Variants in ZDHHC8 observed in about 807,000 individuals in gnomAD.
The protein encoded by ZDHHC8 is palmitoyltransferase ZDHHC8.
A neutral mutation model predicts 61.2 loss-of-function variants in ZDHHC8; 24 were observed. The observed-to-expected ratio is 0.39, with a 90% CI of 0.28 to 0.55. The LOEUF is 0.55. Ranked by LOEUF, ZDHHC8 falls within the 20% of genes least tolerant of loss-of-function variation. The pLI is 0.60. For missense variants in ZDHHC8, 935 were observed against 1,102.1 expected, an observed-to-expected ratio of 0.85 and a Z score of 2.15; for synonymous variants, 523 against 492.5, an observed-to-expected ratio of 1.06 and a Z score of -0.82.
At position 20,140,826 on chromosome 22, in the gene ZDHHC8, T is replaced by A. The variant is rs552852518; in HGVS notation, c.753-45T>A. 54 of 1,600,740 alleles carry A rather than the reference T, an allele frequency of 3.4e-5. 1 individual carries two copies. In the Admixed American group the frequency reaches 4.0e-4, roughly 12 times the overall value. On this transcript the variant is annotated intron_variant, in intron 6 of 10. Transcript: ENST00000334554. ...GTATGGCCAGCCCTGCCCTTGTGTGTTTGTGGCAGGTGGGCTGGCTACTGA... is the reference window on the plus strand; with the variant it reads ...GTATGGCCAGCCCTGCCCTTGTGTGATTGTGGCAGGTGGGCTGGCTACTGA...
In ZDHHC8 at chr22:20,143,654, C is replaced by T; in HGVS notation, c.2024C>T (p.Ser675Phe). ...TCACCTGCACGCCAGGGCCTGCCCT[C>T]CCCGCCCGGCACTCCCCACTCACCA... ...HRSPARQGLP[S>F]PPGTPHSPSY... is the part of the protein sequence containing the mutation. The change falls in exon 10 of 11, where the codon TCC becomes TTC. Residue 675 changes from serine (S) to phenylalanine (F), a missense_variant. Ser to Phe is a radical substitution (Grantham distance 155, BLOSUM62 -2). Coordinates refer to ENST00000334554, the MANE Select transcript of ZDHHC8 (RefSeq NM_013373.4). 2 of 1,607,854 alleles carry T rather than the reference C, an allele frequency of 1.2e-6. No individual in the cohort carries two copies. Among genetic ancestry groups the T allele is most frequent in the Non-Finnish European group, 1.7e-6 (2 of 1,179,166 alleles).
Position 20,142,765 on chromosome 22 carries a change from C to G in ZDHHC8, c.1135C>G (p.Pro379Ala), listed in dbSNP as rs764291330. The G allele has an allele frequency of 2.7e-5, 43 of 1,612,490 alleles. 1 individual carries two copies. In the South Asian group the frequency reaches 4.7e-4, roughly 18 times the overall value. ...TGCCTTCTCCCTACAGGTTCCAGGC[C>G]CTGATTCCCTGACCCTGGGGGACGA... ...FCGPGEQVPG[P>A]DSLTLGDDSI... Residue 379 changes from proline (P) to alanine (A), a missense_variant, in exon 10 of 11, where the codon CCT becomes GCT. Around this residue, in one of 3 missense-constraint regions of ZDHHC8, gnomAD observed 692 missense variants for 731.4 expected, o/e 0.95. Transcript: ENST00000334554.
chr22:20,140,428 A>T, intron 5 of ZDHHC8, 189 bp from the exon 6 acceptor site: 1 of 798,562 alleles, frequency 1.3e-6, no homozygotes, highest in Non-Finnish European at 1.9e-6. Flanking sequence ...CCAGTGACCC[A>T]GAAATCCCAC....
chr22:20,140,493 T>C, intron 5 of ZDHHC8, 124 bp from the exon 6 acceptor site: 1 of 1,074,544 alleles, frequency 9.3e-7, no homozygotes. Context: ...CCTGGGCTGA[T>C]CCCACCTAAG....
At chr22:20,140,574 G>A in intron 5 of ZDHHC8, 43 bp from the exon 6 acceptor site, 1 of 1,546,364 alleles carries the variant, frequency 6.5e-7, no homozygotes, top group Non-Finnish European at 8.7e-7. Context: ...ACCCTGGCCT[G>A]GACCTTGGGA....
chr22:20,133,540 C>G (rs1742642165), intron 1 of ZDHHC8, among the ~76,000 whole-genome samples: 1 of 152,038 alleles, frequency 6.6e-6, no homozygotes, highest in South Asian at 2.1e-4. Context: ...ACCAGCCTGG[C>G]CAACATGGCG....
At chr22:20,136,005 C>T (rs2050416711) in intron 1 of ZDHHC8, among the ~76,000 whole-genome samples, 1 of 152,278 alleles carries the variant, frequency 6.6e-6, no homozygotes, top group African/African-American at 2.4e-5. Flanking sequence ...TATCTCCCTG[C>T]CAGCCCAGGC....
rs548819896 is a variant in ZDHHC8, at chr22:20,145,652, C to G, written c.*252C>G. On this transcript the variant is annotated 3_prime_UTR_variant, in exon 11 of 11. Transcript: ENST00000334554. ...GGGCTGGTCTGTGTCTGGGCCTGTC[C>G]CATGGCTGGGGCAGTGAGGGGGCCC... The G allele has an allele frequency of 1.8e-4, 209 of 1,136,894 alleles. 2 individuals are homozygous for G. In the East Asian group the frequency reaches 9.3e-3, roughly 51 times the overall value. 70.4% of individuals were successfully genotyped at this position (1,136,894 alleles called of 1,614,324 possible). A position where few individuals can be genotyped will look rare whatever the true frequency, so the allele number is the denominator to read the frequency against.
Position 20,143,307 on chromosome 22 carries a change from G to C in ZDHHC8, c.1677G>C (p.Glu559Asp). Residue 559 changes from glutamate to aspartate, a missense_variant, in exon 10 of 11, where the codon GAG becomes GAC. Glu to Asp is a conservative substitution (Grantham distance 45). Around this residue, in one of 3 missense-constraint regions of ZDHHC8, gnomAD observed 692 missense variants for 731.4 expected, o/e 0.95. Transcript: ENST00000334554. ...CCATCCAGGAGCGCAAGGACAGGGA[G>C]GAGCGTGAGCGCCTGCTGCGCTCCC... is the stretch of plus-strand genomic sequence containing the variant. ...MASIQERKDR[E>D]ERERLLRSQA... 1 of 1,601,118 alleles carries C rather than the reference G, an allele frequency of 6.2e-7. No individual in the cohort carries two copies. Among genetic ancestry groups the C allele is most frequent in the Admixed American group, 1.7e-5 (1 of 58,952 alleles).
Position 20,146,278 on chromosome 22 carries a change from G to A in ZDHHC8, c.*878G>A, listed in dbSNP as rs1236013787. 5.1e-6 allele frequency: 5 copies of A among 985,444 alleles called. No homozygotes were observed. Among genetic ancestry groups the A allele is most frequent in the East Asian group, 1.1e-4 (1 of 8,810 alleles). 61.0% of individuals were successfully genotyped at this position (985,444 alleles called of 1,614,324 possible). A position where few individuals can be genotyped will look rare whatever the true frequency, so the allele number is the denominator to read the frequency against. On this transcript the variant is annotated 3_prime_UTR_variant, in exon 11 of 11. Transcript: ENST00000334554. ...CAAGGCATGCCACGTCCGCAGCCCC[G>A]GCCTGGCTGCGGTGCTCGCGCCGTG...
Position 20,140,852 on chromosome 22 carries a change from C to A in ZDHHC8, c.753-19C>A. ...TTGTGGCAGGTGGGCTGGCTACTGA[C>A]CCCTGTGCCCTGGTGCAGGTACGTG... On this transcript the variant is annotated intron_variant, in intron 6 of 10. Coordinates refer to ENST00000334554, the MANE Select transcript of ZDHHC8 (RefSeq NM_013373.4). 1.3e-6 allele frequency: 2 copies of A among 1,599,394 alleles called. No homozygotes were observed. Among genetic ancestry groups the A allele is most frequent in the Non-Finnish European group, 1.7e-6 (2 of 1,179,292 alleles).
chr22:20,140,187 G>T lies in ZDHHC8; in HGVS notation c.630G>T (p.Leu210=). The T allele has an allele frequency of 6.2e-7, 1 of 1,613,238 alleles. No individual in the cohort carries two copies. The highest frequency in any genetic ancestry group is 1.1e-5 in the South Asian group (1 of 91,084). The change falls in exon 5 of 11, where the codon CTG becomes CTT. Residue 210 remains leucine, a synonymous_variant. Transcript: ENST00000334554. ...GCCTCACTGGCTTCCATGTGGTGCT[G>T]GTCACTCGGGGGCGCACCACCAACG... is the stretch of plus-strand genomic sequence containing the variant. The part of the protein sequence containing the change: ...VIGLTGFHVV[L]VTRGRTTNEQ...
At position 20,145,704 on chromosome 22, in the gene ZDHHC8, TCA is replaced by T; in HGVS notation, c.*305_*306del. On this transcript the variant is annotated 3_prime_UTR_variant, in exon 11 of 11. Coordinates refer to ENST00000334554, the MANE Select transcript of ZDHHC8 (RefSeq NM_013373.4). ...GTCAGCCTCTTTGGGGCACCCTCTC[TCA>T]GCCAGGCTTGGCCCACTGCCATCAC... 1 of 1,040,250 alleles carries T rather than the reference TCA, an allele frequency of 9.6e-7. No homozygotes were observed. The highest frequency in any genetic ancestry group is 1.2e-6 in the Non-Finnish European group (1 of 865,472). 64.4% of individuals were successfully genotyped at this position (1,040,250 alleles called of 1,614,324 possible). A position where few individuals can be genotyped will look rare whatever the true frequency, so the allele number is the denominator to read the frequency against.
rs781411883 is a variant in ZDHHC8, at chr22:20,139,215, T to G, written c.126T>G (p.Ala42=). ...FVFTCPWLTR[A]VSPAVPVYNG... ...GCAGGTGCCCGTGGTTGACACGAGC[T>G]GTGTCCCCAGCTGTTCCCGTCTACA... Residue 42 remains alanine, a synonymous_variant, in exon 2 of 11, where the codon GCT becomes GCG. Coordinates refer to ENST00000334554, the MANE Select transcript of ZDHHC8 (RefSeq NM_013373.4). 2.5e-6 allele frequency: 4 copies of G among 1,613,862 alleles called. No individual in the cohort carries two copies. Among genetic ancestry groups the G allele is most frequent in the Non-Finnish European group, 3.4e-6 (4 of 1,179,928 alleles).
In ZDHHC8 at chr22:20,145,436, G is replaced by A; in HGVS notation, c.*36G>A. On this transcript the variant is annotated 3_prime_UTR_variant, in exon 11 of 11. Coordinates refer to ENST00000334554, the MANE Select transcript of ZDHHC8 (RefSeq NM_013373.4). ...CCACACATCCGCCATGGTGCCACGGGGACCAGGACCCCACAGCGCACCCCC... is the reference window on the plus strand; with the variant it reads ...CCACACATCCGCCATGGTGCCACGGAGACCAGGACCCCACAGCGCACCCCC... The A allele has an allele frequency of 2.8e-6, 4 of 1,428,352 alleles. No individual in the cohort carries two copies. The highest frequency in any genetic ancestry group is 2.9e-5 in the East Asian group (1 of 34,978). The allele number at this position is 1,428,352 out of a possible 1,614,324, so 88.5% of individuals were successfully genotyped here. A position where few individuals can be genotyped will look rare whatever the true frequency, so the allele number is the denominator to read the frequency against.
Position 20,131,902 on chromosome 22 carries a change from C to G in ZDHHC8, c.-46C>G. ...GACCCCGGCCCGACCCCGGCCGGCC[C>G]TGCCCGCCCGGCCCCGGGGAGGGAT... On this transcript the variant is annotated 5_prime_UTR_variant, in exon 1 of 11. Coordinates refer to ENST00000334554, the MANE Select transcript of ZDHHC8 (RefSeq NM_013373.4). The G allele has an allele frequency of 1.0e-6, 1 of 956,890 alleles. No individual in the cohort carries two copies. The highest frequency in any genetic ancestry group is 1.3e-6 in the Non-Finnish European group (1 of 794,958). 59.3% of individuals were successfully genotyped at this position (956,890 alleles called of 1,614,324 possible).
At chr22:20,137,856 G>T (rs2148004657) in intron 1 of ZDHHC8, among the ~76,000 whole-genome samples, 1 of 152,328 alleles carries the variant, frequency 6.6e-6, no homozygotes, top group East Asian at 1.9e-4. Context: ...GAGCCACTGG[G>T]CAGGGACAGG....
At chr22:20,144,638 C>G (rs1022097974) in intron 10 of ZDHHC8, among the ~76,000 whole-genome samples, 10 of 152,196 alleles carry the variant, frequency 6.6e-5, no homozygotes, top group Non-Finnish European at 1.3e-4. Flanking sequence ...GGGACCTGTT[C>G]AGCTTTTGTG....
intron 1 of ZDHHC8, among the ~76,000 whole-genome samples, chr22:20,132,252 G>C (rs1478782238): frequency 6.6e-6 from 1 of 152,200 alleles, no homozygotes; most frequent in African/African-American, 2.4e-5. Context: ...CGGGCACCGG[G>C]GTGAGTCCCT....
Sources: gnomAD v4.1 joint callset for allele counts (sites outside exome capture counted in the v4.1 genomes callset) on GRCh38, gnomAD v4.1.1 for gene constraint, gnomAD v4.1.1 regional missense constraint, MANE v1.5 for transcripts, NCBI Gene and HGNC (gene_info 2026-07-23, HGNC 2026-07-21) for gene names.